Variants in ADCY5 observed in about 807,000 individuals in gnomAD.
The protein encoded by ADCY5 is adenylate cyclase 5.
ADCY5 carries 30 observed loss-of-function variants against 119.7 expected under a neutral mutation model. That is an observed-to-expected ratio of 0.25 (90% CI 0.19 to 0.34). The LOEUF (loss-of-function observed/expected upper bound fraction) is 0.34. ADCY5 is among the 10% of genes least tolerant of loss of function. The pLI, the probability that ADCY5 is intolerant of heterozygous loss-of-function variation, is 1.00. For synonymous variants in ADCY5, 753 were observed against 762.2 expected, an observed-to-expected ratio of 0.99 and a Z score of 0.20; for missense variants, 1,324 against 1,775.2, an observed-to-expected ratio of 0.75 and a Z score of 4.57.
chr3:123,366,581 A>T (rs1033116514), intron 1 of ADCY5, among the ~76,000 whole-genome samples: 2 of 152,204 alleles, frequency 1.3e-5, no homozygotes, highest in African/African-American at 4.8e-5. Flanking sequence ...GGTATCTAGG[A>T]CAGTCTAGAG....
intron 3 of ADCY5, among the ~76,000 whole-genome samples, chr3:123,338,735 A>G (rs1942141608): frequency 6.6e-6 from 1 of 152,178 alleles, no homozygotes; most frequent in African/African-American, 2.4e-5. Context: ...AGAGTGGGAG[A>G]CAGAGTCCCA....
chr3:123,448,962 C>T lies in ADCY5; in HGVS notation c.-417G>A, dbSNP rs1576705383. On this transcript the variant is annotated 5_prime_UTR_variant, in exon 1 of 21. Transcript: ENST00000462833. ...TCGGGCCGGCAGTGCCCGGGCGCGG[C>T]GCTCGCTGATTCCGCCTAAGCGGAG... The T allele has an allele frequency of 5.4e-5, 9 of 166,512 alleles. 1 individual carries two copies. In the East Asian group the frequency reaches 1.5e-3, roughly 28 times the overall value. 10.3% of individuals were successfully genotyped at this position (166,512 alleles called of 1,614,324 possible).
chr3:123,318,095 C>G lies in ADCY5; in HGVS notation c.2279G>C (p.Arg760Pro). The G allele has an allele frequency of 6.2e-7, 1 of 1,613,622 alleles. No individual in the cohort carries two copies. Among genetic ancestry groups the G allele is most frequent in the Non-Finnish European group, 8.5e-7 (1 of 1,179,846 alleles). Reference protein sequence around the residue: ...EKKYSKQVDDRFGAYVACASL... With the variant: ...EKKYSKQVDDPFGAYVACASL... Reference sequence around the variant, plus strand: ...GGCACACGCCACATAGGCACCAAATCGGTCGTCTACCTGCTTGGAGTACTG... The same window carrying G: ...GGCACACGCCACATAGGCACCAAATGGGTCGTCTACCTGCTTGGAGTACTG... Residue 760 changes from arginine to proline, a missense_variant, in exon 11 of 21, where the codon CGA becomes CCA. Physicochemically the swap from Arg to Pro is moderately radical, Grantham distance 103 (BLOSUM62 -2). This residue lies in a region of ADCY5 where 424 missense variants were observed against 546.8 expected (regional missense o/e 0.78). Transcript: ENST00000462833.
chr3:123,408,454 G>C (rs779749293), intron 1 of ADCY5, among the ~76,000 whole-genome samples: 3 of 147,394 alleles, frequency 2.0e-5, no homozygotes, highest in Non-Finnish European at 4.5e-5. Context: ...TCAGGAGTTC[G>C]AGACCAGCCA....
chr3:123,345,763 CAGACAG>C lies in ADCY5; in HGVS notation c.1406+2013_1406+2018del, dbSNP rs58573930. 3.7e-3 allele frequency among the ~76,000 whole-genome samples: 515 copies of C among 139,616 alleles called. 1 individual carries two copies. Among genetic ancestry groups the C allele is most frequent in the African/African-American group, 0.012 (434 of 35,870 alleles). 91.6% of individuals were successfully genotyped at this position (139,616 alleles called of 152,430 possible). ...ACAGACAGACAGACAGACAGACAGACAGACAGACACACACACACACACACACACACA... is the reference window on the plus strand; with the variant it reads ...ACAGACAGACAGACAGACAGACAGACACACACACACACACACACACACACA... On this transcript the variant is annotated intron_variant, in intron 3 of 20. Coordinates refer to ENST00000462833, the MANE Select transcript of ADCY5 (RefSeq NM_183357.3).
intron 1 of ADCY5, among the ~76,000 whole-genome samples, chr3:123,404,916 T>A (rs531539411): frequency 5.1e-4 from 77 of 152,346 alleles, no homozygotes; most frequent in African/African-American, 1.8e-3. Flanking sequence ...TTCAACTGGC[T>A]CTGAAAAAGA....
intron 13 of ADCY5, among the ~76,000 whole-genome samples, chr3:123,303,685 C>T (rs1351142089): frequency 2.6e-5 from 4 of 152,070 alleles, no homozygotes; most frequent in Non-Finnish European, 5.9e-5. Flanking sequence ...ATTAGCTGGG[C>T]GTGGTGGTGC....
At chr3:123,393,417 A>C (rs1944450817) in intron 1 of ADCY5, among the ~76,000 whole-genome samples, 1 of 152,026 alleles carries the variant, frequency 6.6e-6, no homozygotes, top group Non-Finnish European at 1.5e-5. Context: ...TTAGGTGGGC[A>C]GGGTGGGGTA....
At chr3:123,416,620 C>G (rs1945190551) in intron 1 of ADCY5, among the ~76,000 whole-genome samples, 1 of 152,150 alleles carries the variant, frequency 6.6e-6, no homozygotes, top group African/African-American at 2.4e-5. Flanking sequence ...TTCACAAACT[C>G]GCTCTGCCAC....
At chr3:123,374,406 T>C (rs76446615) in intron 1 of ADCY5, among the ~76,000 whole-genome samples, 51 of 152,336 alleles carry the variant, frequency 3.3e-4, no homozygotes, top group African/African-American at 1.2e-3. Context: ...TGTTTCATGA[T>C]ATTTAATAAC....
intron 16 of ADCY5, chr3:123,297,137 C>G: frequency 1.4e-6 from 2 of 1,412,116 alleles, no homozygotes; most frequent in Non-Finnish European, 1.9e-6. Flanking sequence ...ACAGAGACTA[C>G]AGATCACCTT....
chr3:123,328,526 T>G (rs575853960), intron 6 of ADCY5, 118 bp downstream of exon 6: 1 of 1,261,322 alleles, frequency 7.9e-7, no homozygotes, highest in South Asian at 1.4e-5. Flanking sequence ...CACAGGTGCT[T>G]GCTGCCCATC....
At chr3:123,353,701 G>A (rs938106874) in intron 1 of ADCY5, among the ~76,000 whole-genome samples, 1 of 152,230 alleles carries the variant, frequency 6.6e-6, no homozygotes, top group Non-Finnish European at 1.5e-5. Context: ...ATCCCAAAGA[G>A]TCTTGCTGTG....
At chr3:123,427,565 C>G (rs1000809583) in intron 1 of ADCY5, among the ~76,000 whole-genome samples, 2 of 152,130 alleles carry the variant, frequency 1.3e-5, no homozygotes, top group African/African-American at 4.8e-5. Context: ...CAGAGAACAT[C>G]TTTTTTGGGA....
rs374743599 is a variant in ADCY5 at position 123,328,655 on chromosome 3, G to T, written c.1794C>A (p.Gly598=). Residue 598 remains glycine, a synonymous_variant, in exon 6 of 21, where the codon GGC becomes GGA. Coordinates refer to ENST00000462833, the MANE Select transcript of ADCY5 (RefSeq NM_183357.3). The part of the protein sequence containing the change: ...DVTLANHMEA[G]GKAGRIHITK... ...CAGCTGTCACTCACCCTGCCTTGCCGCCAGCCTCCATGTGGTTGGCTAGCG... is the reference window on the plus strand; with the variant it reads ...CAGCTGTCACTCACCCTGCCTTGCCTCCAGCCTCCATGTGGTTGGCTAGCG... The T allele has an allele frequency of 1.1e-5, 17 of 1,613,864 alleles. No homozygotes were observed. The African/African-American group carries it at 2.1e-4, about 20-fold the overall frequency.
At chr3:123,289,444 T>C (rs961233611) in intron 19 of ADCY5, among the ~76,000 whole-genome samples, 2 of 152,248 alleles carry the variant, frequency 1.3e-5, no homozygotes, top group African/African-American at 4.8e-5. Flanking sequence ...AGGCACAGCC[T>C]GGGTCCCACC....
chr3:123,325,123 C>T (rs572765317), intron 8 of ADCY5, among the ~76,000 whole-genome samples, 199 bp downstream of exon 8: 14 of 152,318 alleles, frequency 9.2e-5, no homozygotes, highest in South Asian at 8.3e-4. Context: ...AGGCATGCCA[C>T]GGGGTGGTGG....
Position 123,304,157 on chromosome 3 carries a change from G to A in ADCY5, c.2469C>T (p.Leu823=), listed in dbSNP as rs777586313. 2 of 1,603,814 alleles carry A rather than the reference G, an allele frequency of 1.2e-6. No individual in the cohort carries two copies. The highest frequency in any genetic ancestry group is 2.2e-5 in the South Asian group (2 of 90,886). ...VKLFPSPLQT[L]SRKIVRSKMN... is the part of the protein sequence containing the mutation. ...TCTTGGACCGCACGATCTTCCTGGA[G>A]AGGGTCTGCAGTGGGGAGGGGAAGA... is the stretch of plus-strand genomic sequence containing the variant. Residue 823 remains leucine, a synonymous_variant, in exon 13 of 21, where the codon CTC becomes CTT. Transcript: ENST00000462833.
At chr3:123,312,860 T>C (rs181847560) in intron 12 of ADCY5, among the ~76,000 whole-genome samples, 4 of 152,296 alleles carry the variant, frequency 2.6e-5, no homozygotes, top group Non-Finnish European at 5.9e-5. Flanking sequence ...CATCCTTTCA[T>C]AGCCACGGGA....
Sources: allele counts gnomAD v4.1 joint callset (sites outside exome capture counted in the v4.1 genomes callset), GRCh38; gene constraint gnomAD v4.1.1; regional missense constraint gnomAD v4.1.1; transcripts MANE v1.5; gene names NCBI Gene and HGNC (gene_info 2026-07-23, HGNC 2026-07-21).